CCDC25: variants seen among roughly 807,000 people sequenced by gnomAD.
CCDC25 encodes the protein coiled-coil domain containing 25.
CCDC25 carries 16 observed loss-of-function variants against 35.3 expected under a neutral mutation model. The observed-to-expected ratio is 0.45, with a 90% CI of 0.31 to 0.69. CCDC25 has a LOEUF of 0.69. CCDC25 is among the 30% of genes least tolerant of loss of function. The probability of loss-of-function intolerance (pLI) is 0.06; values close to 1 mark genes in which losing one functional copy is unlikely to be tolerated. For synonymous variants in CCDC25, 79 were observed against 80.3 expected, an observed-to-expected ratio of 0.98 and a Z score of 0.09; for missense variants, 179 against 250.7, an observed-to-expected ratio of 0.71 and a Z score of 1.93.
intron 3 of CCDC25, among the ~76,000 whole-genome samples, chr8:27,759,823 T>C (rs1351981718): frequency 6.7e-6 from 1 of 149,518 alleles, no homozygotes; most frequent in Non-Finnish European, 1.5e-5. Flanking sequence ...CCATTCTCAC[T>C]GATTCCTAGG....
intron 1 of CCDC25, chr8:27,771,809 A>C (rs1804628539): frequency 6.6e-6 from 1 of 152,218 alleles, no homozygotes; most frequent in African/African-American, 2.4e-5. Context: ...ATGGGCCAAA[A>C]CTGTCTTAAG....
intron 8 of CCDC25, among the ~76,000 whole-genome samples, chr8:27,738,150 A>G (rs1176862123): frequency 6.6e-6 from 1 of 152,032 alleles, no homozygotes; most frequent in Admixed American, 6.6e-5. Flanking sequence ...AAAGACTACA[A>G]ATATGGTGCA....
At chr8:27,771,182 T>C (rs1228509118) in intron 1 of CCDC25, among the ~76,000 whole-genome samples, 3 of 152,188 alleles carry the variant, frequency 2.0e-5, no homozygotes, top group Admixed American at 2.0e-4. Context: ...CACCATTGCG[T>C]TACCATTGCC....
intron 1 of CCDC25, among the ~76,000 whole-genome samples, chr8:27,765,753 A>G (rs924076846): frequency 6.6e-6 from 1 of 152,234 alleles, no homozygotes; most frequent in Admixed American, 6.5e-5. Context: ...GCATATTCTA[A>G]CAGGCTCTCT....
chr8:27,749,637 C>T (rs561412314), intron 5 of CCDC25, among the ~76,000 whole-genome samples: 46 of 151,826 alleles, frequency 3.0e-4, no homozygotes, highest in Admixed American at 1.9e-3. Context: ...GTAAATACAG[C>T]GCAAGTAAAT....
chr8:27,751,398 G>A (rs959622963), intron 5 of CCDC25, among the ~76,000 whole-genome samples: 3 of 152,232 alleles, frequency 2.0e-5, no homozygotes, highest in Admixed American at 1.3e-4. Flanking sequence ...TTATAGAGTT[G>A]AAAATCAGTG....
intron 7 of CCDC25, among the ~76,000 whole-genome samples, chr8:27,745,995 T>C (rs935818292): frequency 1.3e-5 from 2 of 152,238 alleles, no homozygotes; most frequent in African/African-American, 2.4e-5. Context: ...GATGACACTA[T>C]GGAAAAAAGC....
At chr8:27,772,113 C>T (rs1311502569) in intron 1 of CCDC25, 1 of 223,558 alleles carries the variant, frequency 4.5e-6, no homozygotes. Context: ...CAGGTGTCTC[C>T]TTTCTCACAG....
chr8:27,757,337 TG>T (rs1804045990), intron 3 of CCDC25, among the ~76,000 whole-genome samples: 1 of 152,114 alleles, frequency 6.6e-6, no homozygotes, highest in South Asian at 2.1e-4. Context: ...AAGAGTTAGG[TG>T]GGGCCTAAAG....
Position 27,737,757 on chromosome 8 carries a change from T to C in CCDC25, c.598-1512A>G, listed in dbSNP as rs1232551094. Among the ~76,000 whole-genome samples, 1 of 152,050 alleles carries C rather than the reference T, an allele frequency of 6.6e-6. No homozygotes were observed. Among genetic ancestry groups the C allele is most frequent in the Admixed American group, 6.6e-5 (1 of 15,248 alleles). On this transcript the variant is annotated intron_variant, in intron 8 of 8. Transcript: ENST00000356537. The surrounding 1 kb of genome is among the most constrained non-coding windows in gnomAD (Gnocchi z 4.6). ...TACCCAGAGGAAAAGAAGTCATTAT[T>C]CAAAAAAGATACTTGCACACACATG...
At chr8:27,770,788 G>T (rs547247932) in intron 1 of CCDC25, among the ~76,000 whole-genome samples, 1 of 151,356 alleles carries the variant, frequency 6.6e-6, no homozygotes, top group African/African-American at 2.4e-5. Context: ...CCTTTAACAA[G>T]CATATAGAGT....
chr8:27,772,353 T>TGGGAGGGACGGATGTGCTGGGGGACC (rs1804657677), intron 1 of CCDC25, among the ~76,000 whole-genome samples, 160 bp downstream of exon 1: 1 of 151,980 alleles, frequency 6.6e-6, no homozygotes, highest in Non-Finnish European at 1.5e-5. Context: ...CCTGCAGCCG[T>TGGGAGGGACGGATGTGCTGGGGGACC]GGGAGGGACG....
chr8:27,770,821 T>C (rs1262509256), intron 1 of CCDC25, among the ~76,000 whole-genome samples: 1 of 151,838 alleles, frequency 6.6e-6, no homozygotes, highest in Non-Finnish European at 1.5e-5. Context: ...GAAAGTGCTA[T>C]AAGTAAGTAA....
chr8:27,770,543 G>C (rs1804562272), intron 1 of CCDC25, among the ~76,000 whole-genome samples: 2 of 152,106 alleles, frequency 1.3e-5, no homozygotes, highest in African/African-American at 2.4e-5. Context: ...TTCAAGACCA[G>C]CCTGACCAAC....
At chr8:27,753,321 T>C (rs1803883085) in intron 4 of CCDC25, among the ~76,000 whole-genome samples, 1 of 152,206 alleles carries the variant, frequency 6.6e-6, no homozygotes, top group South Asian at 2.1e-4. Context: ...TTACTGCATT[T>C]CCAACTTCCT....
chr8:27,766,238 T>C (rs1419643336), intron 1 of CCDC25, among the ~76,000 whole-genome samples: 1 of 152,216 alleles, frequency 6.6e-6, no homozygotes, highest in Non-Finnish European at 1.5e-5. Flanking sequence ...AAGTGCAGGG[T>C]TGGGCTGAAC....
At chr8:27,743,909 A>G (rs894606871) in intron 7 of CCDC25, among the ~76,000 whole-genome samples, 4 of 152,188 alleles carry the variant, frequency 2.6e-5, no homozygotes, top group African/African-American at 4.8e-5. Flanking sequence ...GAGACATACC[A>G]ATTGTTTTTA....
chr8:27,749,456 T>C (rs1803720010), intron 5 of CCDC25, among the ~76,000 whole-genome samples: 1 of 152,200 alleles, frequency 6.6e-6, no homozygotes, highest in African/African-American at 2.4e-5. Context: ...GACTATAATG[T>C]GCAAAACTTC....
rs1803354228 is a variant in CCDC25 at position 27,739,165 on chromosome 8, G to A, written c.597+1307C>T. 1.3e-5 allele frequency among the ~76,000 whole-genome samples: 2 copies of A among 152,078 alleles called. 1 individual carries two copies. The highest frequency in any genetic ancestry group is 2.9e-5 in the Non-Finnish European group (2 of 68,012). On this transcript the variant is annotated intron_variant, in intron 8 of 8. Coordinates refer to ENST00000356537, the MANE Select transcript of CCDC25 (RefSeq NM_018246.3). Reference sequence around the variant, plus strand: ...CCCCCACCTCAATTAGCACATGACAGTTAAGTCTCTAAACTTCAAATTCAA... The same window carrying A: ...CCCCCACCTCAATTAGCACATGACAATTAAGTCTCTAAACTTCAAATTCAA...
Sources: gnomAD v4.1 joint callset for allele counts (sites outside exome capture counted in the v4.1 genomes callset) on GRCh38, gnomAD v4.1.1 for gene constraint, Gnocchi (gnomAD v3.1) non-coding constraint, MANE v1.5 for transcripts, NCBI Gene and HGNC (gene_info 2026-07-23, HGNC 2026-07-21) for gene names.